The following NCOA7 variants were observed in gnomAD, a reference collection of about 807,000 sequenced individuals.
NCOA7 encodes nuclear receptor coactivator 7.
A neutral mutation model predicts 104.3 loss-of-function variants in NCOA7; 45 were observed. That is an observed-to-expected ratio of 0.43 (90% CI 0.34 to 0.55). The LOEUF is 0.55. Among genes scored for constraint, NCOA7 ranks in the 20% least tolerant of loss-of-function variants. NCOA7 has a pLI of 0.02. For synonymous variants in NCOA7, 398 were observed against 402.3 expected (o/e 0.99, Z 0.13); for missense variants, 1,041 against 1,119.7 (o/e 0.93, Z 1.00).
At chr6:125,867,530 GCA>G (rs1328630765) in intron 3 of NCOA7, among the ~76,000 whole-genome samples, 5 of 152,208 alleles carry the variant, frequency 3.3e-5, no homozygotes, top group Admixed American at 3.3e-4. Flanking sequence ...GTGCATTCAA[GCA>G]CAGAGATTGC....
At chr6:125,830,049 G>C (rs1779029762) in intron 2 of NCOA7, among the ~76,000 whole-genome samples, 1 of 152,172 alleles carries the variant, frequency 6.6e-6, no homozygotes. Flanking sequence ...AACTTTTCGA[G>C]CTATAACAAT....
chr6:125,790,406 G>C (rs1392792683), upstream of NCOA7, among the ~76,000 whole-genome samples: 1 of 152,240 alleles, frequency 6.6e-6, no homozygotes, highest in African/African-American at 2.4e-5. Context: ...GCCAGGCGGC[G>C]GTTCGCTGGG....
intron 3 of NCOA7, among the ~76,000 whole-genome samples, chr6:125,858,163 T>C (rs1368607967): frequency 1.3e-5 from 2 of 151,958 alleles, no homozygotes; most frequent in African/African-American, 4.8e-5. Flanking sequence ...GACCCTAGAG[T>C]ATTAGCTTTG....
chr6:125,885,197 C>T lies in NCOA7; in HGVS notation c.738C>T (p.Asn246=). The T allele has an allele frequency of 6.2e-7, 1 of 1,614,006 alleles. No individual in the cohort carries two copies. The highest frequency in any genetic ancestry group is 8.5e-7 in the Non-Finnish European group (1 of 1,179,924). ...VGGVMIVTPN[N]IMFDPHKSDP... ...GTGTTATGATAGTGACTCCTAACAA[C>T]ATCATGTTTGACCCTCATAAATCTG... is the stretch of plus-strand genomic sequence containing the variant. Residue 246 remains asparagine, a synonymous_variant, in exon 8 of 16, where the codon AAC becomes AAT. Coordinates refer to ENST00000392477, the MANE Select transcript of NCOA7 (RefSeq NM_181782.5).
At chr6:125,800,717 G>A (rs1251229217) in intron 1 of NCOA7, among the ~76,000 whole-genome samples, 1 of 152,150 alleles carries the variant, frequency 6.6e-6, no homozygotes, top group Non-Finnish European at 1.5e-5. Flanking sequence ...GTGGGCATAA[G>A]GAACAATAAT....
Position 125,794,429 on chromosome 6 carries a change from T to G in NCOA7, c.-65+3362T>G, listed in dbSNP as rs370619349. 1.4e-4 allele frequency among the ~76,000 whole-genome samples: 22 copies of G among 152,358 alleles called. No individual in the cohort carries two copies. In the South Asian group the frequency reaches 3.9e-3, roughly 27 times the overall value. On this transcript the variant is annotated intron_variant, in intron 1 of 15. Coordinates refer to ENST00000392477, the MANE Select transcript of NCOA7 (RefSeq NM_181782.5). The stretch of plus-strand genomic sequence containing the variant: ...AAATTCATAACCTAATATCAATATT[T>G]TATCTTTTCCTATGGTCTTGAGCTT...
chr6:125,921,512 C>T (rs191598267), intron 12 of NCOA7, among the ~76,000 whole-genome samples: 3 of 152,292 alleles, frequency 2.0e-5, no homozygotes, highest in African/African-American at 7.2e-5. Context: ...CCACTAAGGC[C>T]AGTGCCCCCT....
chr6:125,795,417 C>G (rs1775227584), intron 1 of NCOA7, among the ~76,000 whole-genome samples: 1 of 152,132 alleles, frequency 6.6e-6, no homozygotes, highest in African/African-American at 2.4e-5. Context: ...CCCTCTCATC[C>G]TCATTCCCCT....
At chr6:125,881,857 G>A (rs1463120723) in intron 6 of NCOA7, among the ~76,000 whole-genome samples, 1 of 151,076 alleles carries the variant, frequency 6.6e-6, no homozygotes, top group African/African-American at 2.4e-5. Context: ...TGTTGTTGTT[G>A]TTTGTGTGTG....
intron 10 of NCOA7, among the ~76,000 whole-genome samples, chr6:125,912,409 C>G (rs1336348521): frequency 6.6e-6 from 1 of 152,154 alleles, no homozygotes; most frequent in East Asian, 1.9e-4. Context: ...TACTAAGAGT[C>G]TATATGTATA....
At chr6:125,839,484 G>A (rs903784279) in intron 2 of NCOA7, among the ~76,000 whole-genome samples, 4 of 151,518 alleles carry the variant, frequency 2.6e-5, no homozygotes, top group Non-Finnish European at 4.4e-5. Context: ...GTCGGGTGGG[G>A]CTGAAAGTTC....
At chr6:125,885,849 G>A (rs1466368272) in intron 8 of NCOA7, among the ~76,000 whole-genome samples, 2 of 152,106 alleles carry the variant, frequency 1.3e-5, no homozygotes, top group African/African-American at 4.8e-5. Flanking sequence ...CTGTGAAGAG[G>A]GAGTAATACC....
In NCOA7 at chr6:125,830,737, A is replaced by ATGTGTGTGTGTGTGTG. The variant is rs890797445; in HGVS notation, c.50+15341_50+15356dup. Among the ~76,000 whole-genome samples, 18 of 93,048 alleles carry ATGTGTGTGTGTGTGTG rather than the reference A, an allele frequency of 1.9e-4. No individual in the cohort carries two copies. The East Asian group carries it at 4.7e-3, about 24-fold the overall frequency. 61.0% of individuals were successfully genotyped at this position (93,048 alleles called of 152,430 possible). On this transcript the variant is annotated intron_variant, in intron 2 of 15. Coordinates refer to ENST00000392477, the MANE Select transcript of NCOA7 (RefSeq NM_181782.5). ...CTATATATTTTATATATATATATAT[A>ATGTGTGTGTGTGTGTG]TGTGTGTGTGTGTGTGTGTGTGTAT...
intron 2 of NCOA7, among the ~76,000 whole-genome samples, chr6:125,832,920 G>T (rs1779305421): frequency 6.6e-6 from 1 of 152,154 alleles, no homozygotes; most frequent in Non-Finnish European, 1.5e-5. Context: ...AGCATGGCAT[G>T]GTCTCCAGAC....
At chr6:125,781,329 C>T (rs1774217917) in exon 1 of NCOA7, 1 of 152,154 alleles carries the variant, frequency 6.6e-6, no homozygotes. Context: ...CAACATCCGC[C>T]GCCACTGTGA....
chr6:125,877,794 A>C (rs1401755390), intron 4 of NCOA7, among the ~76,000 whole-genome samples: 1 of 152,224 alleles, frequency 6.6e-6, no homozygotes, highest in Non-Finnish European at 1.5e-5. Flanking sequence ...TGTATCAAGC[A>C]GTGTGCTGAG....
chr6:125,782,922 A>G (rs1039239110), intron 1 of NCOA7, among the ~76,000 whole-genome samples: 2 of 152,192 alleles, frequency 1.3e-5, no homozygotes, highest in African/African-American at 4.8e-5. Context: ...GATGGGCCCC[A>G]GTCATCACAA....
At chr6:125,781,872 T>C (rs1175239326) in intron 1 of NCOA7, among the ~76,000 whole-genome samples, 1 of 152,208 alleles carries the variant, frequency 6.6e-6, no homozygotes, top group Non-Finnish European at 1.5e-5. Context: ...CCTCCAACTT[T>C]TTGGTTTCGA....
At chr6:125,894,134 T>C (rs767986541) in intron 10 of NCOA7, among the ~76,000 whole-genome samples, 22 of 152,020 alleles carry the variant, frequency 1.4e-4, no homozygotes, top group Admixed American at 3.9e-4. Context: ...CTTAACACTA[T>C]TGACATTTTG....
Sources: allele counts gnomAD v4.1 joint callset (sites outside exome capture counted in the v4.1 genomes callset), GRCh38; gene constraint gnomAD v4.1.1; transcripts MANE v1.5; gene names NCBI Gene and HGNC (gene_info 2026-07-23, HGNC 2026-07-21).